Variants in TMEM131 observed in about 807,000 individuals in gnomAD.
TMEM131 encodes transmembrane protein 131.
Under a neutral mutation model 211.6 loss-of-function variants are expected in TMEM131, and 66 were observed. The observed-to-expected ratio is 0.31, with a 90% confidence interval of 0.26 to 0.38. The LOEUF is 0.38. Among genes scored for constraint, TMEM131 ranks in the 10% least tolerant of loss-of-function variants. The probability of loss-of-function intolerance (pLI) is 1.00; values close to 1 mark genes in which losing one functional copy is unlikely to be tolerated. For synonymous variants in TMEM131, 844 were observed against 841.3 expected (o/e 1.00, Z -0.06); for missense variants, 2,036 against 2,299.3 (o/e 0.89, Z 2.34).
intron 33 of TMEM131, among the ~76,000 whole-genome samples, chr2:97,769,247 A>AAAGTGCTGGG (rs1469969959): frequency 6.6e-6 from 1 of 152,194 alleles, no homozygotes; most frequent in Non-Finnish European, 1.5e-5. Context: ...TTGACCTCCC[A>AAAGTGCTGGG]AAGTGCTGGG....
Position 97,758,938 on chromosome 2 carries a change from A to G in TMEM131, c.5322T>C (p.Ser1774=). The change falls in exon 40 of 41, where the codon AGT becomes AGC. Residue 1774 remains serine (S), a synonymous_variant. Transcript: ENST00000186436. ...AGCCGGAACTGGCTGGCCAGGAAGGACTGGGATCTGTCGCTGGCGACTCCC... is the reference window on the plus strand; with the variant it reads ...AGCCGGAACTGGCTGGCCAGGAAGGGCTGGGATCTGTCGCTGGCGACTCCC... The part of the protein sequence containing the change: ...YLWESPATDP[S]PSWPASSGSP... 6.2e-7 allele frequency: 1 copy of G among 1,613,960 alleles called. No homozygotes were observed. Among genetic ancestry groups the G allele is most frequent in the Non-Finnish European group, 8.5e-7 (1 of 1,179,866 alleles).
At chr2:97,793,992 T>A (rs543120134) in intron 29 of TMEM131, among the ~76,000 whole-genome samples, 602 of 8,258 alleles carry the variant, frequency 0.073, 20 homozygotes, top group Admixed American at 0.34. Flanking sequence ...AGACTCTGTC[T>A]CAAAAAAAAA....
chr2:97,986,339 GAA>G (rs1680027408), intron 1 of TMEM131, among the ~76,000 whole-genome samples: 1 of 152,140 alleles, frequency 6.6e-6, no homozygotes, highest in Non-Finnish European at 1.5e-5. Flanking sequence ...ATAGGGGCAG[GAA>G]AAGAGTGAGG....
intron 2 of TMEM131, among the ~76,000 whole-genome samples, chr2:97,917,578 C>T (rs1676558712): frequency 6.6e-6 from 1 of 152,194 alleles, no homozygotes; most frequent in Non-Finnish European, 1.5e-5. Context: ...GTTTAACTGA[C>T]TCACAGTTCT....
chr2:97,759,808 G>A, intron 38 of TMEM131, 59 bp from the exon 39 acceptor site: 1 of 1,212,350 alleles, frequency 8.2e-7, no homozygotes, highest in Non-Finnish European at 1.2e-6. Flanking sequence ...AGTGCAAACG[G>A]ATCCATAGTG....
chr2:97,995,192 T>C (rs1044017740), intron 1 of TMEM131, among the ~76,000 whole-genome samples: 1 of 152,134 alleles, frequency 6.6e-6, no homozygotes, highest in African/African-American at 2.4e-5. Context: ...AGCCAAAAAA[T>C]ATGCCCCTCC....
At chr2:97,807,233 G>A (rs1014716022) in intron 19 of TMEM131, among the ~76,000 whole-genome samples, 1 of 152,138 alleles carries the variant, frequency 6.6e-6, no homozygotes, top group Non-Finnish European at 1.5e-5. Flanking sequence ...ATATCTGAAA[G>A]CTTAATCTGA....
At chr2:97,902,567 C>T (rs1425149740) in intron 3 of TMEM131, among the ~76,000 whole-genome samples, 1 of 152,146 alleles carries the variant, frequency 6.6e-6, no homozygotes, top group African/African-American at 2.4e-5. Flanking sequence ...TAAACATAAA[C>T]ATTTTCTTCC....
At chr2:97,782,993 A>C (rs981592744) in intron 31 of TMEM131, among the ~76,000 whole-genome samples, 44 of 152,106 alleles carry the variant, frequency 2.9e-4, no homozygotes, top group African/African-American at 1.0e-3. Flanking sequence ...AGCAAACCTC[A>C]AAAAGGGTAA....
At position 97,801,907 on chromosome 2, in the gene TMEM131, G is replaced by C. The variant is rs1415675758; in HGVS notation, c.2706C>G (p.Val902=). Reference sequence around the variant, plus strand: ...TTTGAATACTTACACTGTTTCTGAAGACTTGAAATTCTAGTGTTCTCAAAT... The same window carrying C: ...TTTGAATACTTACACTGTTTCTGAACACTTGAAATTCTAGTGTTCTCAAAT... ...KIDLRTLEFQ[V]FRNSAHPLQS... Residue 902 remains valine, a synonymous_variant, in exon 25 of 41, where the codon GTC becomes GTG. Transcript: ENST00000186436. 3.1e-6 allele frequency: 5 copies of C among 1,607,088 alleles called. No homozygotes were observed. In the South Asian group the frequency reaches 3.3e-5, roughly 11 times the overall value.
chr2:97,968,624 A>C (rs1679159821), intron 1 of TMEM131, among the ~76,000 whole-genome samples: 1 of 152,210 alleles, frequency 6.6e-6, no homozygotes, highest in Admixed American at 6.5e-5. Flanking sequence ...ACATGTTTGT[A>C]GGGAAGCCTG....
chr2:97,797,248 T>C (rs1573375610), intron 26 of TMEM131, 117 bp downstream of exon 26: 2 of 1,071,938 alleles, frequency 1.9e-6, no homozygotes, highest in South Asian at 3.2e-5. Context: ...TGTGCATGTT[T>C]TGGACAAAGT....
Position 97,812,783 on chromosome 2 carries a change from A to G in TMEM131, c.1618-34T>C, listed in dbSNP as rs1681612835. 4.2e-6 allele frequency: 5 copies of G among 1,182,200 alleles called. No individual in the cohort carries two copies. The East Asian group carries it at 1.2e-4, about 28-fold the overall frequency. 73.2% of individuals were successfully genotyped at this position (1,182,200 alleles called of 1,614,324 possible). A position where few individuals can be genotyped will look rare whatever the true frequency, so the allele number is the denominator to read the frequency against. On this transcript the variant is annotated intron_variant, in intron 15 of 40. Coordinates refer to ENST00000186436, the MANE Select transcript of TMEM131 (RefSeq NM_015348.2). Reference sequence around the variant, plus strand: ...ATATAAAAGAACCAGATTAAAAAAAAGTCACATTGATCTAACAATATTATG... The same window carrying G: ...ATATAAAAGAACCAGATTAAAAAAAGGTCACATTGATCTAACAATATTATG...
chr2:97,874,908 TAA>T (rs1233283422), intron 4 of TMEM131, among the ~76,000 whole-genome samples: 9 of 152,094 alleles, frequency 5.9e-5, no homozygotes, highest in Admixed American at 3.3e-4. Context: ...ATGCCCCAAT[TAA>T]AGACACAGAC....
rs186690941 is a variant in TMEM131 at position 97,822,092 on chromosome 2, C to A, written c.1075-3371G>T. 1.6e-3 allele frequency among the ~76,000 whole-genome samples: 243 copies of A among 152,308 alleles called. 3 individuals are homozygous for A. Among genetic ancestry groups the A allele is most frequent in the Non-Finnish European group, 2.8e-4 (19 of 68,036 alleles). ...GCCTGTCAGACAAACTTCCTCTTGC[C>A]TCTCTTCTCCAAGGATAGTTCCGCT... is the stretch of plus-strand genomic sequence containing the variant. On this transcript the variant is annotated intron_variant, in intron 11 of 40. Coordinates refer to ENST00000186436, the MANE Select transcript of TMEM131 (RefSeq NM_015348.2).
chr2:97,766,744 C>T, intron 33 of TMEM131, 142 bp from the exon 34 acceptor site: 1 of 981,794 alleles, frequency 1.0e-6, no homozygotes, highest in Non-Finnish European at 1.5e-6. Context: ...ACCCTTGGTC[C>T]TAACTCAGGA....
intron 5 of TMEM131, among the ~76,000 whole-genome samples, chr2:97,858,926 T>C (rs913807557): frequency 1.3e-5 from 2 of 152,258 alleles, no homozygotes; most frequent in Non-Finnish European, 2.9e-5. Context: ...CCAGTGTGCT[T>C]ACAGTTTACA....
intron 25 of TMEM131, among the ~76,000 whole-genome samples, 193 bp from the exon 26 acceptor site, chr2:97,797,709 A>G (rs1379791499): frequency 6.6e-6 from 1 of 152,266 alleles, no homozygotes; most frequent in Non-Finnish European, 1.5e-5. Flanking sequence ...TTCATATTCT[A>G]CATTAAGTCC....
intron 8 of TMEM131, 37 bp from the exon 9 acceptor site, chr2:97,834,962 T>C (rs1484513835): frequency 1.2e-6 from 2 of 1,608,920 alleles, no homozygotes; most frequent in Middle Eastern, 1.7e-4. Flanking sequence ...GCACAGCTTT[T>C]GTAATGTAGC....
Sources: allele counts gnomAD v4.1 joint callset (sites outside exome capture counted in the v4.1 genomes callset), GRCh38; gene constraint gnomAD v4.1.1; transcripts MANE v1.5; gene names NCBI Gene and HGNC (gene_info 2026-07-23, HGNC 2026-07-21).